Variants in LMBRD1 observed in about 807,000 individuals in gnomAD.
LMBRD1 encodes the protein lysosomal cobalamin transport escort protein LMBD1.
LMBRD1 carries 64 observed loss-of-function variants against 74.8 expected under a neutral mutation model. The ratio of observed to expected loss-of-function variants is 0.86; its 90% confidence interval spans 0.70 to 1.05. The LOEUF is 1.05. LMBRD1 is among the 50% of genes least tolerant of loss of function. The pLI is 0.00. For missense variants in LMBRD1, 652 were observed against 645.9 expected, an observed-to-expected ratio of 1.01 and a Z score of -0.10; for synonymous variants, 204 against 216.3, an observed-to-expected ratio of 0.94 and a Z score of 0.50.
At chr6:69,724,825 A>ACT (rs924605263) in intron 7 of LMBRD1, among the ~76,000 whole-genome samples, 5 of 152,054 alleles carry the variant, frequency 3.3e-5, no homozygotes, top group Non-Finnish European at 5.9e-5. Flanking sequence ...AAGGATGCTC[A>ACT]CTTTCAACAC....
At chr6:69,773,011 G>A (rs761103686) in intron 3 of LMBRD1, among the ~76,000 whole-genome samples, 4 of 152,102 alleles carry the variant, frequency 2.6e-5, no homozygotes, top group Non-Finnish European at 4.4e-5. Context: ...CATTTCACAG[G>A]TGGAGAAATC....
intron 14 of LMBRD1, among the ~76,000 whole-genome samples, chr6:69,685,683 C>T (rs1765748921): frequency 6.6e-6 from 1 of 152,102 alleles, no homozygotes; most frequent in African/African-American, 2.4e-5. Flanking sequence ...TGCCTGTAAT[C>T]CCAGCTACTC....
intron 14 of LMBRD1, among the ~76,000 whole-genome samples, chr6:69,685,739 T>C (rs1228292467): frequency 6.6e-6 from 1 of 152,154 alleles, no homozygotes; most frequent in Non-Finnish European, 1.5e-5. Flanking sequence ...AGGCAGAGGC[T>C]GCAGTGAGCC....
At chr6:69,718,812 C>T in intron 8 of LMBRD1, 144 bp downstream of exon 8, 2 of 777,256 alleles carry the variant, frequency 2.6e-6, no homozygotes, top group Non-Finnish European at 4.3e-6. Flanking sequence ...TAAGTGAGGA[C>T]ACAGTCAAAC....
At position 69,736,197 on chromosome 6, in the gene LMBRD1, C is replaced by T. The variant is rs73481743; in HGVS notation, c.636+1745G>A. Among the ~76,000 whole-genome samples the T allele has an allele frequency of 4.0e-3, 612 of 152,196 alleles. 4 individuals carry two copies. Among genetic ancestry groups the T allele is most frequent in the African/African-American group, 0.013 (553 of 41,512 alleles). ...GCAAGCCAGGAGCTAATTGACCCCC[C>T]CTCCGCCGACCCACCACTTTTTTTT... On this transcript the variant is annotated intron_variant, in intron 7 of 15. Coordinates refer to ENST00000649934, the MANE Select transcript of LMBRD1 (RefSeq NM_018368.4).
chr6:69,766,310 T>A (rs998156152), intron 3 of LMBRD1, among the ~76,000 whole-genome samples: 1 of 151,948 alleles, frequency 6.6e-6, no homozygotes, highest in Non-Finnish European at 1.5e-5. Flanking sequence ...TTTTCATAGA[T>A]GTCCTTTGTC....
rs778321796 is a variant in LMBRD1, at chr6:69,676,116, G to T, written c.*42C>A. The T allele has an allele frequency of 2.0e-6, 3 of 1,463,654 alleles. No homozygotes were observed. The highest frequency in any genetic ancestry group is 2.9e-6 in the Non-Finnish European group (3 of 1,044,240). The allele number at this position is 1,463,654 out of a possible 1,614,324, so 90.7% of individuals were successfully genotyped here. On this transcript the variant is annotated 3_prime_UTR_variant, in exon 16 of 16. Coordinates refer to ENST00000649934, the MANE Select transcript of LMBRD1 (RefSeq NM_018368.4). ...TTTAATACTTTAAAAATGCATAACA[G>T]ATATTCAGTCAGCATTATAAAACCT...
chr6:69,764,659 AT>A (rs1290503156), intron 3 of LMBRD1, among the ~76,000 whole-genome samples: 1 of 152,080 alleles, frequency 6.6e-6, no homozygotes, highest in African/African-American at 2.4e-5. Context: ...ATTTTTGCTT[AT>A]TTTTTAATTG....
intron 3 of LMBRD1, among the ~76,000 whole-genome samples, chr6:69,753,693 A>G (rs966315848): frequency 6.6e-6 from 1 of 152,206 alleles, no homozygotes; most frequent in Non-Finnish European, 1.5e-5. Context: ...CCAAGTGTCC[A>G]CTGATGGATG....
chr6:69,696,744 A>T (rs1766009344), intron 14 of LMBRD1, among the ~76,000 whole-genome samples: 1 of 152,072 alleles, frequency 6.6e-6, no homozygotes, highest in African/African-American at 2.4e-5. Flanking sequence ...CTATCCCTGT[A>T]CCTTATACTT....
chr6:69,749,647 A>G (rs1335619094), intron 4 of LMBRD1, among the ~76,000 whole-genome samples: 1 of 151,616 alleles, frequency 6.6e-6, no homozygotes, highest in Non-Finnish European at 1.5e-5. Context: ...AAACCAATCC[A>G]CCTAAAGCAT....
At chr6:69,767,455 T>C (rs1333246663) in intron 3 of LMBRD1, among the ~76,000 whole-genome samples, 2 of 151,812 alleles carry the variant, frequency 1.3e-5, no homozygotes, top group African/African-American at 2.4e-5. Flanking sequence ...TCTTGATCCA[T>C]GGGTTATTTA....
At chr6:69,751,066 C>T (rs1470329893) in intron 4 of LMBRD1, among the ~76,000 whole-genome samples, 1 of 151,896 alleles carries the variant, frequency 6.6e-6, no homozygotes, top group Admixed American at 6.6e-5. Context: ...TTACAGTGTT[C>T]GATTTTGACA....
chr6:69,718,286 TA>T (rs1766535562), intron 8 of LMBRD1, among the ~76,000 whole-genome samples: 1 of 151,638 alleles, frequency 6.6e-6, no homozygotes, highest in Non-Finnish European at 1.5e-5. Context: ...AATATTATAG[TA>T]AAATATAATA....
chr6:69,751,323 C>T (rs1562112194), intron 4 of LMBRD1, among the ~76,000 whole-genome samples: 1 of 150,272 alleles, frequency 6.7e-6, no homozygotes, highest in Non-Finnish European at 1.5e-5. Context: ...TTTAAAAAGT[C>T]GGTCCTTTTT....
intron 2 of LMBRD1, among the ~76,000 whole-genome samples, chr6:69,783,730 C>A (rs1765887097): frequency 6.6e-6 from 1 of 152,068 alleles, no homozygotes. Context: ...ATAATAACAA[C>A]TATCTTTTTT....
At chr6:69,688,939 A>C (rs1461547428) in intron 14 of LMBRD1, among the ~76,000 whole-genome samples, 8 of 152,048 alleles carry the variant, frequency 5.3e-5, no homozygotes. Flanking sequence ...AAGTATCTTC[A>C]TTGGTAGATA....
intron 3 of LMBRD1, among the ~76,000 whole-genome samples, chr6:69,766,272 C>T (rs1765473377): frequency 6.6e-6 from 1 of 151,936 alleles, no homozygotes; most frequent in Non-Finnish European, 1.5e-5. Flanking sequence ...TTCAGTCTTT[C>T]ACCACTAAGT....
chr6:69,735,856 T>G (rs1280018525), intron 7 of LMBRD1, among the ~76,000 whole-genome samples: 2 of 152,194 alleles, frequency 1.3e-5, no homozygotes, highest in Non-Finnish European at 2.9e-5. Context: ...CATGGCCTCT[T>G]GCTACCTCTC....
Sources: allele counts gnomAD v4.1 joint callset (sites outside exome capture counted in the v4.1 genomes callset), GRCh38; gene constraint gnomAD v4.1.1; transcripts MANE v1.5; gene names NCBI Gene and HGNC (gene_info 2026-07-23, HGNC 2026-07-21).